Variants in RHPN2 observed in about 807,000 individuals in gnomAD.
RHPN2 encodes the protein rhophilin Rho GTPase binding protein 2, also known as rhophilin-2.
A neutral mutation model predicts 79.0 loss-of-function variants in RHPN2; 40 were observed. The ratio of observed to expected loss-of-function variants is 0.51; its 90% CI spans 0.39 to 0.66. The LOEUF is 0.66. RHPN2 is among the 30% of genes least tolerant of loss of function. The pLI is 0.00. For missense variants in RHPN2, 686 were observed against 883.5 expected (o/e 0.78, Z 2.83); for synonymous variants, 285 against 363.5 (o/e 0.78, Z 2.46).
At chr19:33,028,858 G>A (rs1433858443) in intron 2 of RHPN2, among the ~76,000 whole-genome samples, 1 of 152,190 alleles carries the variant, frequency 6.6e-6, no homozygotes, top group Non-Finnish European at 1.5e-5. Context: ...AAAAAGCTGG[G>A]CTGGGCATGG....
intron 2 of RHPN2, among the ~76,000 whole-genome samples, chr19:33,034,533 G>A (rs1972039486): frequency 6.7e-6 from 1 of 149,554 alleles, no homozygotes; most frequent in African/African-American, 2.5e-5. Flanking sequence ...GTGAACCTGG[G>A]AGGCAGAGCT....
At chr19:32,996,256 A>G (rs765954993) in intron 10 of RHPN2, 36 bp from the exon 11 acceptor site, 1 of 1,612,866 alleles carries the variant, frequency 6.2e-7, no homozygotes, top group Non-Finnish European at 8.5e-7. Context: ...TGACTTGCAG[A>G]TCCACCAAGC....
chr19:33,011,573 G>A, intron 6 of RHPN2, 106 bp downstream of exon 6: 1 of 1,325,104 alleles, frequency 7.5e-7, no homozygotes, highest in South Asian at 1.2e-5. Flanking sequence ...AGGAAAGGGG[G>A]CTGAGGTGCA....
At chr19:32,986,222 T>TA (rs751529271) in intron 14 of RHPN2, among the ~76,000 whole-genome samples, 36 of 152,290 alleles carry the variant, frequency 2.4e-4, no homozygotes, top group Admixed American at 5.2e-4. Flanking sequence ...TGGCCTGGTG[T>TA]AACGATGTCA....
chr19:33,053,703 G>A (rs1178568518), intron 1 of RHPN2, among the ~76,000 whole-genome samples: 1 of 152,070 alleles, frequency 6.6e-6, no homozygotes, highest in African/African-American at 2.4e-5. Flanking sequence ...TTACAGGCGT[G>A]AGCCACTGTA....
At chr19:33,021,340 T>G (rs1232718683) in intron 4 of RHPN2, among the ~76,000 whole-genome samples, 1 of 152,190 alleles carries the variant, frequency 6.6e-6, no homozygotes, top group Non-Finnish European at 1.5e-5. Context: ...AAGGGATACA[T>G]ATTTTCTCTA....
intron 14 of RHPN2, among the ~76,000 whole-genome samples, chr19:32,981,036 C>T (rs1466094987): frequency 1.3e-5 from 2 of 152,010 alleles, no homozygotes; most frequent in East Asian, 3.9e-4. Flanking sequence ...GACGGGGTTT[C>T]ACCCCTTCTC....
At chr19:33,048,242 G>A (rs1972157557) in intron 1 of RHPN2, among the ~76,000 whole-genome samples, 1 of 151,752 alleles carries the variant, frequency 6.6e-6, no homozygotes, top group East Asian at 2.0e-4. Flanking sequence ...TTTTAGTAGA[G>A]ATGGGGTTTC....
chr19:33,064,763 C>A lies in RHPN2; in HGVS notation c.69+21G>T. Reference sequence around the variant, plus strand: ...GGTCTGGAGCCCGCAGGTCCCCGCCCGCCCGCCCGAAGCCGCCCACCTTCC... The same window carrying A: ...GGTCTGGAGCCCGCAGGTCCCCGCCAGCCCGCCCGAAGCCGCCCACCTTCC... On this transcript the variant is annotated intron_variant, in intron 1 of 14. Transcript: ENST00000254260. The A allele has an allele frequency of 2.1e-6, 3 of 1,454,164 alleles. No individual in the cohort carries two copies. In the South Asian group the frequency reaches 3.7e-5, roughly 18 times the overall value. The allele number at this position is 1,454,164 out of a possible 1,614,324, so 90.1% of individuals were successfully genotyped here. A position where few individuals can be genotyped will look rare whatever the true frequency, so the allele number is the denominator to read the frequency against.
intron 2 of RHPN2, among the ~76,000 whole-genome samples, chr19:33,035,315 T>G (rs951997444): frequency 1.3e-5 from 2 of 152,204 alleles, no homozygotes; most frequent in African/African-American, 2.4e-5. Context: ...TTGCCCAGGC[T>G]GGTTTTAAAC....
At chr19:33,014,282 T>G (rs941361182) in intron 4 of RHPN2, among the ~76,000 whole-genome samples, 1 of 152,126 alleles carries the variant, frequency 6.6e-6, no homozygotes, top group African/African-American at 2.4e-5. Flanking sequence ...GGATTTGTAC[T>G]AAATACACAA....
At chr19:33,019,189 A>T (rs1203969286) in intron 4 of RHPN2, among the ~76,000 whole-genome samples, 3 of 152,096 alleles carry the variant, frequency 2.0e-5, no homozygotes, top group African/African-American at 7.2e-5. Flanking sequence ...TCATGCCTAT[A>T]ATCCCAGCAC....
At chr19:33,026,653 G>A (rs377505395) in intron 2 of RHPN2, 21 bp from the exon 3 acceptor site, 3 of 1,601,474 alleles carry the variant, frequency 1.9e-6, no homozygotes, top group Non-Finnish European at 1.7e-6. Context: ...AGAAGAGGGA[G>A]AGAAGTGCCC....
At chr19:33,013,744 C>T (rs901213834) in intron 4 of RHPN2, among the ~76,000 whole-genome samples, 2 of 152,182 alleles carry the variant, frequency 1.3e-5, no homozygotes, top group Non-Finnish European at 2.9e-5. Flanking sequence ...CCTCAGGACC[C>T]GGACAAGTTT....
intron 2 of RHPN2, among the ~76,000 whole-genome samples, chr19:33,029,320 A>AAT: frequency 1.3e-5 from 2 of 151,740 alleles, no homozygotes. Context: ...AGGTCAGGAG[A>AAT]TCGAGACCAT....
intron 10 of RHPN2, among the ~76,000 whole-genome samples, chr19:32,998,061 GAT>G (rs1163974093): frequency 1.3e-5 from 2 of 152,222 alleles, no homozygotes; most frequent in African/African-American, 4.8e-5. Context: ...GCAGGGGACT[GAT>G]GTGATCTGAC....
chr19:33,023,457 A>G (rs1463273844), intron 3 of RHPN2, among the ~76,000 whole-genome samples: 2 of 150,926 alleles, frequency 1.3e-5, no homozygotes, highest in Admixed American at 6.6e-5. Context: ...AAAAAAGAAA[A>G]AAAAAAGATC....
At chr19:33,037,407 AAGC>A (rs1972067174) in intron 2 of RHPN2, among the ~76,000 whole-genome samples, 1 of 152,204 alleles carries the variant, frequency 6.6e-6, no homozygotes, top group East Asian at 1.9e-4. Context: ...AAGAGAATAA[AAGC>A]AGGCTGCCTG....
chr19:33,017,172 A>G (rs1971884809), intron 4 of RHPN2, among the ~76,000 whole-genome samples: 2 of 152,112 alleles, frequency 1.3e-5, no homozygotes, highest in Non-Finnish European at 2.9e-5. Flanking sequence ...TGAGGTCATG[A>G]GTTCAAGACC....
Sources: gnomAD v4.1 joint callset for allele counts (sites outside exome capture counted in the v4.1 genomes callset) on GRCh38, gnomAD v4.1.1 for gene constraint, MANE v1.5 for transcripts, NCBI Gene and HGNC (gene_info 2026-07-23, HGNC 2026-07-21) for gene names.